The following DNAH14 variants were observed in gnomAD, a reference collection of about 807,000 sequenced individuals.
DNAH14 encodes the protein axonemal beta dynein heavy chain 14.
A neutral mutation model predicts 520.9 loss-of-function variants in DNAH14; 478 were observed. The ratio of observed to expected loss-of-function variants is 0.92; its 90% confidence interval spans 0.85 to 0.99. The LOEUF (loss-of-function observed/expected upper bound fraction) is 0.99, where lower values mean the gene tolerates loss of function less well. DNAH14 is among the 50% of genes least tolerant of loss of function. The pLI is 0.00. For synonymous variants in DNAH14, 1,581 were observed against 1,757.2 expected, an observed-to-expected ratio of 0.90 and a Z score of 2.51; for missense variants, 4,831 against 5,234.5, an observed-to-expected ratio of 0.92 and a Z score of 2.38.
chr1:225,079,530 T>C lies in DNAH14; in HGVS notation c.2748T>C (p.Val916=). Reference sequence around the variant, plus strand: ...GTATCAGTGGTCTACATGTTGATGTTGGCAATTTAAAAGCCAAGGTAAGTT... The same window carrying C: ...GTATCAGTGGTCTACATGTTGATGTCGGCAATTTAAAAGCCAAGGTAAGTT... The part of the protein sequence containing the change: ...EACISGLHVD[V]GNLKAKIRTP... Residue 916 remains valine, a synonymous_variant, in exon 18 of 86, where the codon GTT becomes GTC. Coordinates refer to ENST00000682510, the MANE Select transcript of DNAH14 (RefSeq NM_001367479.1). The C allele has an allele frequency of 2.0e-6, 3 of 1,509,844 alleles. No individual in the cohort carries two copies. The allele number at this position is 1,509,844 out of a possible 1,614,324, so 93.5% of individuals were successfully genotyped here.
rs1322172947 is a variant in DNAH14 at position 225,100,849 on chromosome 1, A to G, written c.3832A>G (p.Asn1278Asp). 4 of 1,529,156 alleles carry G rather than the reference A, an allele frequency of 2.6e-6. No homozygotes were observed. The highest frequency in any genetic ancestry group is 3.5e-6 in the Non-Finnish European group (4 of 1,141,194). 94.7% of individuals were successfully genotyped at this position (1,529,156 alleles called of 1,614,324 possible). ...AGTCCTTGAAATTCTGCAAAATTGT[A>G]ATATACATCTTGAACATATAAAGAA... is the stretch of plus-strand genomic sequence containing the variant. ...AGVLEILQNCNIHLEHIKKSL... is the reference protein window; with the variant it reads ...AGVLEILQNCDIHLEHIKKSL... The change falls in exon 23 of 86, where the codon AAT (asparagine) becomes GAT (aspartate). Residue 1278 changes from asparagine to aspartate, a missense_variant. By Grantham distance (23) the Asn-to-Asp change is conservative. Coordinates refer to ENST00000682510, the MANE Select transcript of DNAH14 (RefSeq NM_001367479.1).
At chr1:225,337,570 A>G in intron 67 of DNAH14, 74 bp downstream of exon 67, 1 of 1,187,970 alleles carries the variant, frequency 8.4e-7, no homozygotes, top group Non-Finnish European at 1.2e-6. Context: ...AAAGGCTAAA[A>G]GTTTTCAGTG....
intron 8 of DNAH14, among the ~76,000 whole-genome samples, chr1:224,977,587 A>G (rs1472039993): frequency 1.3e-5 from 2 of 152,218 alleles, no homozygotes; most frequent in Admixed American, 6.5e-5. Flanking sequence ...GATTGTTCAC[A>G]GATGTATACT....
intron 74 of DNAH14, among the ~76,000 whole-genome samples, chr1:225,359,738 C>T (rs530521686): frequency 3.4e-4 from 52 of 152,304 alleles, no homozygotes; most frequent in Non-Finnish European, 5.7e-4. Context: ...GGGCTCTAGC[C>T]ATCATATTCA....
intron 36 of DNAH14, 71 bp downstream of exon 36, chr1:225,168,099 A>AAATAATAAT: frequency 1.2e-6 from 1 of 865,866 alleles, no homozygotes; most frequent in Non-Finnish European, 1.8e-6. Flanking sequence ...TAAAGGGCAA[A>AAATAATAAT]AATAATAATA....
At chr1:225,157,123 A>T (rs1316271809) in intron 34 of DNAH14, among the ~76,000 whole-genome samples, 2 of 152,132 alleles carry the variant, frequency 1.3e-5, no homozygotes, top group African/African-American at 4.8e-5. Context: ...TAAGGGAAAA[A>T]GGCAGTTTTC....
At chr1:225,023,459 G>A (rs2065871520) in intron 10 of DNAH14, among the ~76,000 whole-genome samples, 156 bp from the exon 11 acceptor site, 1 of 148,194 alleles carries the variant, frequency 6.7e-6, no homozygotes, top group South Asian at 2.1e-4. Context: ...TTGCTTTTTA[G>A]GCCTACCCTT....
intron 61 of DNAH14, among the ~76,000 whole-genome samples, chr1:225,319,732 C>T (rs1417788242): frequency 6.6e-6 from 1 of 152,088 alleles, no homozygotes; most frequent in East Asian, 1.9e-4. Context: ...GTTCTGGGCA[C>T]TGAGGTTGTA....
At chr1:225,290,167 A>G (rs36116837) in intron 55 of DNAH14, 85 bp downstream of exon 55, 186,408 of 990,390 alleles carry the variant, frequency 0.19, 18,324 homozygotes, top group East Asian at 0.33. Context: ...TTTGAAAAGA[A>G]AACAAGAAAA....
rs1356740067 is a variant in DNAH14 at position 225,324,746 on chromosome 1, C to T, written c.9637C>T (p.Pro3213Ser). The change falls in exon 64 of 86, where the codon CCT becomes TCT. Residue 3213 changes from proline to serine, a missense_variant. By Grantham distance (74) the Pro-to-Ser change is moderately conservative. Transcript: ENST00000682510. ...NYHEVQKVVGPKQIQVAEAQN... is the reference protein window; with the variant it reads ...NYHEVQKVVGSKQIQVAEAQN... ...TGACATTCTCTTTAAGGTTGTGGGCCCTAAACAAATCCAAGTAGCTGAAGC... is the reference window on the plus strand; with the variant it reads ...TGACATTCTCTTTAAGGTTGTGGGCTCTAAACAAATCCAAGTAGCTGAAGC... 1.9e-6 allele frequency: 3 copies of T among 1,551,168 alleles called. No homozygotes were observed. Among genetic ancestry groups the T allele is most frequent in the Admixed American group, 3.9e-5 (2 of 50,950 alleles).
intron 8 of DNAH14, among the ~76,000 whole-genome samples, chr1:224,991,084 CTTTTTTTTTTTTTT>C (rs1197927461): frequency 1.0e-4 from 8 of 77,900 alleles, no homozygotes; most frequent in Admixed American, 2.9e-4. Flanking sequence ...TGATGTTGAG[CTTTTTTTTTTTTTT>C]TTTTTTTTTT....
intron 64 of DNAH14, among the ~76,000 whole-genome samples, chr1:225,329,717 A>G (rs778456744): frequency 1.3e-5 from 2 of 152,162 alleles, no homozygotes; most frequent in Non-Finnish European, 2.9e-5. Flanking sequence ...AACATTGGGG[A>G]AAATCTCCAG....
intron 36 of DNAH14, among the ~76,000 whole-genome samples, chr1:225,171,695 G>A (rs1028253806): frequency 5.3e-5 from 8 of 152,134 alleles, no homozygotes; most frequent in African/African-American, 1.4e-4. Flanking sequence ...AGAGGTACAA[G>A]GAGGAGCTGG....
chr1:225,075,653 A>T (rs1173434278), intron 17 of DNAH14, among the ~76,000 whole-genome samples: 1 of 152,070 alleles, frequency 6.6e-6, no homozygotes, highest in Non-Finnish European at 1.5e-5. Flanking sequence ...TGAGTCCAGG[A>T]GTTCAGAGAC....
chr1:225,038,425 C>A (rs2067164184), intron 11 of DNAH14, among the ~76,000 whole-genome samples: 1 of 150,464 alleles, frequency 6.6e-6, no homozygotes, highest in Non-Finnish European at 1.5e-5. Flanking sequence ...TTATTATTTT[C>A]TGTTTTTTTT....
At position 225,333,492 on chromosome 1, in the gene DNAH14, G is replaced by T; in HGVS notation, c.10066G>T (p.Ala3356Ser). The change falls in exon 66 of 86, where the codon GCA becomes TCA. Residue 3356 changes from alanine to serine, a missense_variant. Coordinates refer to ENST00000682510, the MANE Select transcript of DNAH14 (RefSeq NM_001367479.1). Reference protein sequence around the residue: ...SSKFSLIKVMAQKYEISRWHN... With the variant: ...SSKFSLIKVMSQKYEISRWHN... ...CAAATTCTCTTTAATTAAAGTTATGGCACAAAAATATGAGGTAATAACATA... is the reference window on the plus strand; with the variant it reads ...CAAATTCTCTTTAATTAAAGTTATGTCACAAAAATATGAGGTAATAACATA... 2 of 1,550,240 alleles carry T rather than the reference G, an allele frequency of 1.3e-6. No homozygotes were observed. Among genetic ancestry groups the T allele is most frequent in the Non-Finnish European group, 8.7e-7 (1 of 1,146,200 alleles).
intron 46 of DNAH14, among the ~76,000 whole-genome samples, chr1:225,261,615 T>A (rs1300586401): frequency 2.6e-5 from 4 of 152,172 alleles, no homozygotes; most frequent in Non-Finnish European, 2.9e-5. Context: ...TCTTGTAATG[T>A]TCTTTTCTGG....
intron 60 of DNAH14, among the ~76,000 whole-genome samples, chr1:225,318,234 TG>T (rs2094499923): frequency 6.6e-6 from 1 of 152,208 alleles, no homozygotes; most frequent in Non-Finnish European, 1.5e-5. Flanking sequence ...AGTGAGAGGC[TG>T]AAGTTTAAGC....
intron 17 of DNAH14, among the ~76,000 whole-genome samples, chr1:225,077,680 T>C (rs1191386081): frequency 6.6e-6 from 1 of 152,196 alleles, no homozygotes; most frequent in African/African-American, 2.4e-5. Flanking sequence ...AATAAAGCTA[T>C]TTGCTTAGGT....
Sources: gnomAD v4.1 joint callset for allele counts (sites outside exome capture counted in the v4.1 genomes callset) on GRCh38, gnomAD v4.1.1 for gene constraint, MANE v1.5 for transcripts, NCBI Gene and HGNC (gene_info 2026-07-23, HGNC 2026-07-21) for gene names.